The following SHANK2 variants were observed in gnomAD, a reference collection of about 807,000 sequenced individuals.
SHANK2 encodes SH3 and multiple ankyrin repeat domains protein 2.
Under a neutral mutation model 133.7 loss-of-function variants are expected in SHANK2, and 43 were observed. The ratio of observed to expected loss-of-function variants is 0.32; its 90% CI spans 0.25 to 0.41. The LOEUF is 0.41. Among genes scored for constraint, SHANK2 ranks in the 10% least tolerant of loss-of-function variants. SHANK2 has a pLI of 1.00. For missense variants in SHANK2, 1,994 were observed against 2,235.8 expected (o/e 0.89, Z 2.18); for synonymous variants, 1,017 against 952.8 (o/e 1.07, Z -1.24).
chr11:71,239,973 C>T (rs1281133119), intron 1 of SHANK2, among the ~76,000 whole-genome samples: 1 of 152,324 alleles, frequency 6.6e-6, no homozygotes, highest in East Asian at 1.9e-4. Flanking sequence ...GGGCAAACAC[C>T]AGGCAGTGGC....
At chr11:70,857,118 G>T (rs1397553686) in intron 11 of SHANK2, among the ~76,000 whole-genome samples, 1 of 152,196 alleles carries the variant, frequency 6.6e-6, no homozygotes, top group Non-Finnish European at 1.5e-5. Context: ...CAGCCAGGAG[G>T]CAGTCTCAAT....
At chr11:70,586,572 C>T (rs2136246297) in intron 17 of SHANK2, among the ~76,000 whole-genome samples, 1 of 152,370 alleles carries the variant, frequency 6.6e-6, no homozygotes, top group East Asian at 1.9e-4. Context: ...CCCTGCATGG[C>T]TGGCCAAGGG....
At chr11:70,562,080 A>T (rs1317986017) in intron 17 of SHANK2, among the ~76,000 whole-genome samples, 1 of 152,168 alleles carries the variant, frequency 6.6e-6, no homozygotes, top group African/African-American at 2.4e-5. Flanking sequence ...AATACTATTT[A>T]CTTTCCTAAT....
At position 70,486,912 on chromosome 11, in the gene SHANK2, G is replaced by A. The variant is rs113788869; in HGVS notation, c.3381C>T (p.Pro1127=). 2.5e-6 allele frequency: 4 copies of A among 1,612,608 alleles called. No homozygotes were observed. The highest frequency in any genetic ancestry group is 1.7e-5 in the Admixed American group (1 of 60,032). Residue 1127 remains proline (P), a synonymous_variant, in exon 25 of 26, where the codon CCC becomes CCT. Transcript: ENST00000601538. This position sits in a 1 kb window ranked among gnomAD's most constrained non-coding sequence, Gnocchi z 8.0. ...PAPRTRPSMF[P]EEGDFADEDS... Reference sequence around the variant, plus strand: ...CCTCGTCAGCAAAATCCCCCTCCTCGGGGAACATGGAGGGCCGCGTCCTGG... The same window carrying A: ...CCTCGTCAGCAAAATCCCCCTCCTCAGGGAACATGGAGGGCCGCGTCCTGG...
At chr11:70,693,809 T>C (rs1945337004) in intron 15 of SHANK2, among the ~76,000 whole-genome samples, 1 of 151,816 alleles carries the variant, frequency 6.6e-6, no homozygotes, top group South Asian at 2.1e-4. Context: ...AACAGATAAA[T>C]GGGTGGATGG....
chr11:70,609,653 G>A (rs2060628229), intron 17 of SHANK2, among the ~76,000 whole-genome samples: 2 of 151,566 alleles, frequency 1.3e-5, no homozygotes, highest in Admixed American at 6.6e-5. Context: ...TATCTATATT[G>A]TATATTGTAT....
chr11:70,707,033 A>C (rs1293460327), intron 14 of SHANK2, among the ~76,000 whole-genome samples: 1 of 152,134 alleles, frequency 6.6e-6, no homozygotes, highest in Non-Finnish European at 1.5e-5. Flanking sequence ...GCCAAAAGCT[A>C]ATCTTTAAGG....
chr11:71,112,744 A>G (rs1359656903), intron 5 of SHANK2, among the ~76,000 whole-genome samples: 1 of 151,816 alleles, frequency 6.6e-6, no homozygotes, highest in African/African-American at 2.4e-5. Flanking sequence ...CTCCTCCTCG[A>G]CTCGCACAGC....
At chr11:70,796,975 C>T (rs61885466) in intron 14 of SHANK2, among the ~76,000 whole-genome samples, 14,288 of 152,220 alleles carry the variant, frequency 0.094, 855 homozygotes, top group South Asian at 0.27. Flanking sequence ...GGCGGCACAC[C>T]GGTTCTGAGA....
intron 17 of SHANK2, among the ~76,000 whole-genome samples, chr11:70,612,159 C>A (rs1174877585): frequency 6.6e-6 from 1 of 152,200 alleles, no homozygotes; most frequent in East Asian, 1.9e-4. Flanking sequence ...GGTGGTGGGG[C>A]CCCTGTGGGG....
At chr11:70,746,581 C>G (rs1264685907) in intron 14 of SHANK2, among the ~76,000 whole-genome samples, 2 of 152,146 alleles carry the variant, frequency 1.3e-5, no homozygotes, top group African/African-American at 4.8e-5. Context: ...CTGGGCCTCC[C>G]TCCAGGGTGG....
Position 70,473,422 on chromosome 11 carries a change from C to T in SHANK2, c.4997G>A (p.Ser1666Asn). The change falls in exon 26 of 26, where the codon AGC becomes AAC. Residue 1666 changes from serine to asparagine, a missense_variant. Around this residue, in one of 5 missense-constraint regions of SHANK2, gnomAD observed 797 missense variants for 907.4 expected, o/e 0.88. Coordinates refer to ENST00000601538, the MANE Select transcript of SHANK2 (RefSeq NM_012309.5). The surrounding 1 kb of genome is among the most constrained non-coding windows in gnomAD (Gnocchi z 5.9). Reference protein sequence around the residue: ...SLAPRSPEIMSTISGTRSTTV... With the variant: ...SLAPRSPEIMNTISGTRSTTV... ...CGTGCTCCGTGTACCTGAGATGGTG[C>T]TCATGATCTCCGGGCTTCTGAAACA... 6.2e-7 allele frequency: 1 copy of T among 1,604,774 alleles called. No homozygotes were observed. The highest frequency in any genetic ancestry group is 8.5e-7 in the Non-Finnish European group (1 of 1,179,944).
At chr11:70,708,902 A>G (rs1258447423) in intron 14 of SHANK2, among the ~76,000 whole-genome samples, 1 of 152,168 alleles carries the variant, frequency 6.6e-6, no homozygotes. Context: ...GCTGACCTCC[A>G]GGGCAGGTTT....
chr11:71,213,420 G>A (rs1555119147), intron 2 of SHANK2, among the ~76,000 whole-genome samples: 1 of 152,174 alleles, frequency 6.6e-6, no homozygotes, highest in African/African-American at 2.4e-5. Context: ...TATGATCACA[G>A]TTTCACTTTA....
Position 70,820,653 on chromosome 11 carries a change from T to C in SHANK2, c.1204A>G (p.Asn402Asp). Residue 402 changes from asparagine to aspartate, a missense_variant, in exon 12 of 26, where the codon AAC (asparagine) becomes GAC (aspartate). Around this residue, in one of 5 missense-constraint regions of SHANK2, gnomAD observed 653 missense variants for 563.4 expected, o/e 1.16. Coordinates refer to ENST00000601538, the MANE Select transcript of SHANK2 (RefSeq NM_012309.5). ...GTGTTGGGGGGCCGCCGCCGGCGGT[T>C]GGAGTACGCCGGGGCCTCTCGGAAG... ...VPFREAPAYS[N>D]RRRRPPNTLA... 1 of 704,126 alleles carries C rather than the reference T, an allele frequency of 1.4e-6. No individual in the cohort carries two copies. Among genetic ancestry groups the C allele is most frequent in the Non-Finnish European group, 2.6e-6 (1 of 378,138 alleles). The allele number at this position is 704,126 out of a possible 1,614,324, so 43.6% of individuals were successfully genotyped here.
chr11:70,898,499 TGAA>T (rs1949974432), intron 10 of SHANK2, among the ~76,000 whole-genome samples: 1 of 152,070 alleles, frequency 6.6e-6, no homozygotes, highest in Non-Finnish European at 1.5e-5. Context: ...CAGATGGAGA[TGAA>T]GAACACGTTA....
chr11:70,611,834 C>T lies in SHANK2; in HGVS notation c.2061+47994G>A, dbSNP rs1328332979. 3.3e-5 allele frequency among the ~76,000 whole-genome samples: 5 copies of T among 151,962 alleles called. No homozygotes were observed. In the East Asian group the frequency reaches 5.8e-4, roughly 18 times the overall value. ...ATGGGGGAGTTTAGGAAACTGCCTTCGTTTCTACTGAAAATGGAGAAAAAA... is the reference window on the plus strand; with the variant it reads ...ATGGGGGAGTTTAGGAAACTGCCTTTGTTTCTACTGAAAATGGAGAAAAAA... On this transcript the variant is annotated intron_variant, in intron 17 of 25. Coordinates refer to ENST00000601538, the MANE Select transcript of SHANK2 (RefSeq NM_012309.5).
chr11:70,656,416 T>C (rs2061406458), intron 17 of SHANK2, among the ~76,000 whole-genome samples: 1 of 152,066 alleles, frequency 6.6e-6, no homozygotes, highest in Non-Finnish European at 1.5e-5. Context: ...TCGGGGGCTG[T>C]CACTGCTCCA....
chr11:70,660,908 C>T (rs1422733576), intron 16 of SHANK2, among the ~76,000 whole-genome samples: 1 of 152,188 alleles, frequency 6.6e-6, no homozygotes, highest in African/African-American at 2.4e-5. Context: ...ACACAGTGGG[C>T]GGATGTCCCC....
Sources: gnomAD v4.1 joint callset for allele counts (sites outside exome capture counted in the v4.1 genomes callset) on GRCh38, gnomAD v4.1.1 for gene constraint, gnomAD v4.1.1 regional missense constraint, Gnocchi (gnomAD v3.1) non-coding constraint, MANE v1.5 for transcripts, NCBI Gene and HGNC (gene_info 2026-07-23, HGNC 2026-07-21) for gene names.